HINFP: variants seen among roughly 807,000 people sequenced by gnomAD.
HINFP encodes histone H4 transcription factor.
A neutral mutation model predicts 50.1 loss-of-function variants in HINFP; 20 were observed. The observed-to-expected ratio is 0.40, with a 90% CI of 0.28 to 0.58. HINFP has a LOEUF of 0.58. Among genes scored for constraint, HINFP ranks in the 20% least tolerant of loss-of-function variants. The pLI, the probability that HINFP is intolerant of heterozygous loss-of-function variation, is 0.45. For synonymous variants in HINFP, 247 were observed against 243.7 expected (o/e 1.01, Z -0.13); for missense variants, 505 against 664.1 (o/e 0.76, Z 2.63).
In HINFP at chr11:119,133,374, T is replaced by A; in HGVS notation, c.1139+155T>A. ...GGTGGGCGGATCATGAGGTCAGGAG[T>A]TCGAGACCAGCCTGGCCAACATGGT... On this transcript the variant is annotated intron_variant, in intron 9 of 9. Transcript: ENST00000350777. 12 of 830,074 alleles carry A rather than the reference T, an allele frequency of 1.4e-5. No individual in the cohort carries two copies. The South Asian group carries it at 1.8e-4, about 12-fold the overall frequency. The allele number at this position is 830,074 out of a possible 1,614,324, so 51.4% of individuals were successfully genotyped here.
rs1947162558 is a variant in HINFP, at chr11:119,123,023, G to C, written c.-11+1384G>C. ...TTATAGTCCCAGCTATAATACTTCGGAGGCTAAGTCACGAGAATCGCTTGA... is the reference window on the plus strand; with the variant it reads ...TTATAGTCCCAGCTATAATACTTCGCAGGCTAAGTCACGAGAATCGCTTGA... On this transcript the variant is annotated intron_variant, in intron 1 of 9. Transcript: ENST00000350777. Among the ~76,000 whole-genome samples the C allele has an allele frequency of 2.0e-5, 3 of 149,264 alleles. No homozygotes were observed. The South Asian group carries it at 6.4e-4, about 32-fold the overall frequency.
In HINFP at chr11:119,132,524, C is replaced by G. The variant is rs35118112; in HGVS notation, c.705C>G (p.Ser235=). 5.5e-4 allele frequency: 889 copies of G among 1,614,066 alleles called. 1 individual carries two copies. The highest frequency in any genetic ancestry group is 7.1e-4 in the Non-Finnish European group (841 of 1,180,048). The part of the protein sequence containing the change: ...DQQHFQCSHC[S]KRFATERLLR... ...AGCACTTCCAGTGTTCTCACTGTTC[C>G]AAGAGATTTGCCACAGAGCGGCTAT... The change falls in exon 6 of 10, where the codon TCC becomes TCG. Residue 235 remains serine (S), a synonymous_variant. Coordinates refer to ENST00000350777, the MANE Select transcript of HINFP (RefSeq NM_198971.3).
chr11:119,123,710 T>TG (rs1947221848), intron 1 of HINFP: 1 of 136,744 alleles, frequency 7.3e-6, no homozygotes, highest in South Asian at 2.4e-4. Flanking sequence ...TCGGCTGTTT[T>TG]TTTTTTTTTT....
rs1592286278 is a variant in HINFP at position 119,132,887 on chromosome 11, A to G, written c.899A>G (p.Gln300Arg). ...DYSCKNLIDL[Q>R]KHLDTHSEEP... ...AGCTGCAAGAATCTTATTGACCTCC[A>G]GAAGCACCTGGATACCCACAGCGAG... The change falls in exon 8 of 10, where the codon CAG (glutamine) becomes CGG (arginine). Residue 300 changes from glutamine to arginine, a missense_variant. Coordinates refer to ENST00000350777, the MANE Select transcript of HINFP (RefSeq NM_198971.3). 1 of 1,614,232 alleles carries G rather than the reference A, an allele frequency of 6.2e-7. No homozygotes were observed. Among genetic ancestry groups the G allele is most frequent in the Non-Finnish European group, 8.5e-7 (1 of 1,180,036 alleles).
chr11:119,132,914 A>T lies in HINFP; in HGVS notation c.926A>T (p.Glu309Val). ...AAGCACCTGGATACCCACAGCGAGG[A>T]GCCAGCCTACAGGTGTGATTTTGAG... Reference protein sequence around the residue: ...LQKHLDTHSEEPAYRCDFENC... With the variant: ...LQKHLDTHSEVPAYRCDFENC... The change falls in exon 8 of 10, where the codon GAG becomes GTG. Residue 309 changes from glutamate to valine, a missense_variant. Coordinates refer to ENST00000350777, the MANE Select transcript of HINFP (RefSeq NM_198971.3). 2 of 1,614,218 alleles carry T rather than the reference A, an allele frequency of 1.2e-6. No individual in the cohort carries two copies. The highest frequency in any genetic ancestry group is 4.5e-5 in the East Asian group (2 of 44,888).
In HINFP at chr11:119,134,322, C is replaced by A; in HGVS notation, c.1378C>A (p.Pro460Thr). The change falls in exon 10 of 10, where the codon CCC becomes ACC. Residue 460 changes from proline to threonine, a missense_variant. Pro to Thr is a conservative substitution (Grantham distance 38, BLOSUM62 -1). Coordinates refer to ENST00000350777, the MANE Select transcript of HINFP (RefSeq NM_198971.3). This position sits in a 1 kb window ranked among gnomAD's most constrained non-coding sequence, Gnocchi z 4.3. Reference sequence around the variant, plus strand: ...AGCCCTCTCAGCCTCTCAGGACAACCCCAGTTCTGTCATCCACGTGGTGAA... The same window carrying A: ...AGCCCTCTCAGCCTCTCAGGACAACACCAGTTCTGTCATCCACGTGGTGAA... ...GTALSASQDN[P>T]SSVIHVVNQT... 6.2e-7 allele frequency: 1 copy of A among 1,614,162 alleles called. No homozygotes were observed. Among genetic ancestry groups the A allele is most frequent in the Non-Finnish European group, 8.5e-7 (1 of 1,179,988 alleles).
chr11:119,127,636 C>G (rs1004843824), intron 2 of HINFP, among the ~76,000 whole-genome samples: 3 of 151,950 alleles, frequency 2.0e-5, no homozygotes, highest in African/African-American at 7.3e-5. Flanking sequence ...CTTCAACACT[C>G]AAGGGATCCT....
chr11:119,132,260 CAGAG>C (rs1272514670), intron 5 of HINFP: 6 of 620,576 alleles, frequency 9.7e-6, no homozygotes, highest in African/African-American at 1.8e-5. Context: ...AACTGAGGCT[CAGAG>C]AGGTTAAATC....
intron 9 of HINFP, chr11:119,133,711 G>A (rs1199572490): frequency 6.5e-6 from 2 of 309,656 alleles, no homozygotes; most frequent in African/African-American, 4.3e-5. Context: ...AATCTTGTAA[G>A]GCATGGTGCC....
chr11:119,134,531 T>G lies in HINFP; in HGVS notation c.*33T>G. ...AGAGCCAGACCATTTCTTCCCCAGG[T>G]CCTGAAGTTTGAGCCAGGCAAGTGG... On this transcript the variant is annotated 3_prime_UTR_variant, in exon 10 of 10. Transcript: ENST00000350777. This position sits in a 1 kb window ranked among gnomAD's most constrained non-coding sequence, Gnocchi z 4.3. The G allele has an allele frequency of 6.6e-7, 1 of 1,518,278 alleles. No homozygotes were observed. Among genetic ancestry groups the G allele is most frequent in the Non-Finnish European group, 8.9e-7 (1 of 1,129,192 alleles). 94.1% of individuals were successfully genotyped at this position (1,518,278 alleles called of 1,614,324 possible).
At chr11:119,123,823 C>T (rs1340630507) in intron 1 of HINFP, 1 of 151,704 alleles carries the variant, frequency 6.6e-6, no homozygotes, top group Admixed American at 6.6e-5. Context: ...AGTGATTCCC[C>T]TGCCTCAGCC....
Position 119,134,582 on chromosome 11 carries a change from C to G in HINFP, c.*84C>G. On this transcript the variant is annotated 3_prime_UTR_variant, in exon 10 of 10. Coordinates refer to ENST00000350777, the MANE Select transcript of HINFP (RefSeq NM_198971.3). The surrounding 1 kb of genome is among the most constrained non-coding windows in gnomAD (Gnocchi z 4.3). ...CAGTGCCCCTAGTGGGCAGCCGTTG[C>G]CAATGGATGCCTTTAGGAGTGGTGC... 3 of 1,062,776 alleles carry G rather than the reference C, an allele frequency of 2.8e-6. No individual in the cohort carries two copies. The highest frequency in any genetic ancestry group is 4.0e-6 in the Non-Finnish European group (3 of 749,910). 65.8% of individuals were successfully genotyped at this position (1,062,776 alleles called of 1,614,324 possible).
intron 2 of HINFP, among the ~76,000 whole-genome samples, chr11:119,129,563 C>T (rs1469306540): frequency 1.3e-5 from 2 of 149,284 alleles, no homozygotes; most frequent in Non-Finnish European, 3.0e-5. Context: ...CGGGTTCATG[C>T]CACTCTCCTG....
chr11:119,123,284 T>C (rs1565785940), intron 1 of HINFP, among the ~76,000 whole-genome samples: 1 of 152,040 alleles, frequency 6.6e-6, no homozygotes. Context: ...AAGAGCATGA[T>C]CTTTGGATTG....
chr11:119,128,095 G>T (rs1485090298), intron 2 of HINFP, among the ~76,000 whole-genome samples: 1 of 151,954 alleles, frequency 6.6e-6, no homozygotes, highest in African/African-American at 2.4e-5. Context: ...CTCATGATCC[G>T]CCCACCTCGG....
chr11:119,134,366 C>G lies in HINFP; in HGVS notation c.1422C>G (p.Gly474=). The part of the protein sequence containing the change: ...IHVVNQTNAQ[G]QQEIVYYVLS... Reference sequence around the variant, plus strand: ...TGGTGAATCAGACCAATGCCCAAGGCCAGCAAGAGATCGTCTACTATGTGC... The same window carrying G: ...TGGTGAATCAGACCAATGCCCAAGGGCAGCAAGAGATCGTCTACTATGTGC... Residue 474 remains glycine (G), a synonymous_variant, in exon 10 of 10, where the codon GGC becomes GGG. Coordinates refer to ENST00000350777, the MANE Select transcript of HINFP (RefSeq NM_198971.3). The surrounding 1 kb of genome is among the most constrained non-coding windows in gnomAD (Gnocchi z 4.3). The G allele has an allele frequency of 1.2e-6, 2 of 1,614,156 alleles. No homozygotes were observed. Among genetic ancestry groups the G allele is most frequent in the Non-Finnish European group, 1.7e-6 (2 of 1,179,986 alleles).
chr11:119,134,170 C>G lies in HINFP; in HGVS notation c.1226C>G (p.Pro409Arg). The G allele has an allele frequency of 6.2e-7, 1 of 1,613,920 alleles. No homozygotes were observed. The highest frequency in any genetic ancestry group is 2.2e-5 in the East Asian group (1 of 44,870). The change falls in exon 10 of 10, where the codon CCA becomes CGA. Residue 409 changes from proline (P) to arginine (R), a missense_variant. Transcript: ENST00000350777. The surrounding 1 kb of genome is among the most constrained non-coding windows in gnomAD (Gnocchi z 4.3). ...CTGACACAGCAACTGCTGCGGCAAC[C>G]ACAAGAGGGATCGGGCCTGGGAACG... is the stretch of plus-strand genomic sequence containing the variant. ...VELTQQLLRQ[P>R]QEGSGLGTSL...
intron 1 of HINFP, among the ~76,000 whole-genome samples, chr11:119,123,420 T>C (rs1328190003): frequency 6.6e-6 from 1 of 152,216 alleles, no homozygotes; most frequent in African/African-American, 2.4e-5. Flanking sequence ...GAGACCACTT[T>C]GAGAAGAGCC....
chr11:119,121,667 G>A (rs1947063286), intron 1 of HINFP, 28 bp downstream of exon 1: 1 of 152,484 alleles, frequency 6.6e-6, no homozygotes, highest in African/African-American at 2.4e-5. Context: ...CTCTGCAGGG[G>A]CTGCAGGAGG....
Sources: gnomAD v4.1 joint callset for allele counts (sites outside exome capture counted in the v4.1 genomes callset) on GRCh38, gnomAD v4.1.1 for gene constraint, Gnocchi (gnomAD v3.1) non-coding constraint, MANE v1.5 for transcripts, NCBI Gene and HGNC (gene_info 2026-07-23, HGNC 2026-07-21) for gene names.